Variants in CAST observed in about 807,000 individuals in gnomAD.
CAST encodes the protein calpastatin, also known as MIR583 host.
In CAST, 76 loss-of-function variants were observed where a neutral mutation model predicts 119.6. The observed-to-expected ratio is 0.64, with a 90% CI of 0.53 to 0.77. The LOEUF (loss-of-function observed/expected upper bound fraction) is 0.77. CAST is among the 30% of genes least tolerant of loss of function. CAST has a pLI of 0.00. For synonymous variants in CAST, 319 were observed against 331.6 expected, an observed-to-expected ratio of 0.96 and a Z score of 0.41; for missense variants, 953 against 946.5, an observed-to-expected ratio of 1.01 and a Z score of -0.09.
chr5:96,750,668 G>A lies in CAST; in HGVS notation c.1510G>A (p.Glu504Lys). 1 of 1,612,404 alleles carries A rather than the reference G, an allele frequency of 6.2e-7. No homozygotes were observed. Among genetic ancestry groups the A allele is most frequent in the South Asian group, 1.1e-5 (1 of 91,036 alleles). Residue 504 changes from glutamate (E) to lysine (K), a missense_variant, in exon 20 of 32, where the codon GAG becomes AAG. Physicochemically the swap from Glu to Lys is moderately conservative, Grantham distance 56 (BLOSUM62 1). Transcript: ENST00000675179. Reference sequence around the variant, plus strand: ...GTGTAGTATACAGTCAGCACCCCCTGAGCCGGCTACCTTGGTGAGTGACTC... The same window carrying A: ...GTGTAGTATACAGTCAGCACCCCCTAAGCCGGCTACCTTGGTGAGTGACTC... ...SMCSIQSAPPEPATLKGTVPD... is the reference protein window; with the variant it reads ...SMCSIQSAPPKPATLKGTVPD...
At chr5:96,045,133 A>T in the CAST span, among the ~76,000 whole-genome samples, 3 of 152,124 alleles carry the variant, frequency 2.0e-5, no homozygotes, top group Non-Finnish European at 4.4e-5. Context: ...CGGATGGATC[A>T]CCTGAGGTCA....
At chr5:96,446,864 T>A in the CAST span, among the ~76,000 whole-genome samples, 1 of 152,204 alleles carries the variant, frequency 6.6e-6, no homozygotes, top group South Asian at 2.1e-4. Context: ...AATATGAGCA[T>A]GCCACCTCAG....
the CAST span, chr5:96,397,452 A>G: frequency 6.2e-7 from 1 of 1,613,286 alleles, no homozygotes; most frequent in Admixed American, 1.7e-5. Context: ...CTTTCAGCCA[A>G]GAGCACAGTG....
At chr5:96,003,946 C>A in the CAST span, among the ~76,000 whole-genome samples, 6 of 152,242 alleles carry the variant, frequency 3.9e-5, no homozygotes, top group South Asian at 1.2e-3. Context: ...ATACAGTCAT[C>A]TTTTTTTCAT....
At chr5:96,592,516 T>C (rs1746980659) in intron 1 of CAST, among the ~76,000 whole-genome samples, 1 of 152,214 alleles carries the variant, frequency 6.6e-6, no homozygotes, top group African/African-American at 2.4e-5. Context: ...TTCTCACTTT[T>C]TTATTTTAAA....
chr5:96,564,673 C>T (rs539643610), intron 1 of CAST, among the ~76,000 whole-genome samples: 1 of 152,346 alleles, frequency 6.6e-6, no homozygotes, highest in Middle Eastern at 3.4e-3. Flanking sequence ...AATCCCAGCA[C>T]TTTGGGAGGC....
chr5:96,564,964 G>A (rs1179643397), intron 1 of CAST, among the ~76,000 whole-genome samples: 1 of 152,178 alleles, frequency 6.6e-6, no homozygotes, highest in Non-Finnish European at 1.5e-5. Flanking sequence ...GCAGAGTGGA[G>A]TCAGTAAAAA....
intron 1 of CAST, among the ~76,000 whole-genome samples, chr5:96,595,224 C>T (rs261217): frequency 0.42 from 64,178 of 152,024 alleles, 13,811 homozygotes; most frequent in Admixed American, 0.48. Flanking sequence ...GATACTAAAC[C>T]GGATGTTTAT....
At chr5:96,506,449 C>A in the CAST span, among the ~76,000 whole-genome samples, 5 of 152,178 alleles carry the variant, frequency 3.3e-5, no homozygotes. Flanking sequence ...TTGGAGGAAG[C>A]ACCAACCCCC....
intron 1 of CAST, among the ~76,000 whole-genome samples, chr5:96,618,268 T>A (rs896539382): frequency 6.6e-6 from 1 of 152,246 alleles, no homozygotes; most frequent in Non-Finnish European, 1.5e-5. Context: ...TTAAAGATAA[T>A]GTAACAGAGC....
chr5:96,248,375 C>T, the CAST span, among the ~76,000 whole-genome samples: 9 of 152,140 alleles, frequency 5.9e-5, no homozygotes, highest in East Asian at 5.8e-4. Flanking sequence ...GTGAGAGGGG[C>T]GGAATGCGCT....
At chr5:96,534,835 A>AGG in intron 1 of CAST, among the ~76,000 whole-genome samples, 1 of 143,454 alleles carries the variant, frequency 7.0e-6, no homozygotes, top group African/African-American at 2.6e-5. Context: ...GAAAGAAGGA[A>AGG]AGAAGGAAGG....
intron 1 of CAST, among the ~76,000 whole-genome samples, chr5:96,612,603 A>T (rs1341233527): frequency 2.0e-5 from 3 of 152,168 alleles, no homozygotes; most frequent in Non-Finnish European, 4.4e-5. Flanking sequence ...AAACAAAAAC[A>T]GAGAAATCTG....
At chr5:96,024,561 AT>A in the CAST span, among the ~76,000 whole-genome samples, 186 of 150,244 alleles carry the variant, frequency 1.2e-3, no homozygotes, top group African/African-American at 4.0e-3. Context: ...AATATCTGCA[AT>A]TTTTTTTTTC....
intron 1 of CAST, among the ~76,000 whole-genome samples, chr5:96,619,516 T>G (rs918816544): frequency 6.6e-6 from 1 of 152,258 alleles, no homozygotes; most frequent in South Asian, 2.1e-4. Flanking sequence ...AGCAACCTGC[T>G]GGGTCCTCTT....
Position 96,546,204 on chromosome 5 carries a change from AT to A in CAST, c.60+16334del, listed in dbSNP as rs538702119. ...ATGTGCAGACCCATCCATAAGTCAG[AT>A]TTTTTTTTTCTTCTTCAGATAGTTG... is the stretch of plus-strand genomic sequence containing the variant. On this transcript the variant is annotated intron_variant, in intron 1 of 11. Transcript: ENST00000505143. 949 of 150,224 alleles carry A rather than the reference AT, an allele frequency of 6.3e-3. 6 individuals carry two copies. Among genetic ancestry groups the A allele is most frequent in the African/African-American group, 0.016 (654 of 41,030 alleles). 9.3% of individuals were successfully genotyped at this position (150,224 alleles called of 1,614,324 possible).
the CAST span, among the ~76,000 whole-genome samples, chr5:95,980,709 CCCA>C: frequency 5.3e-5 from 8 of 152,082 alleles, no homozygotes; most frequent in Admixed American, 5.2e-4. Context: ...CCTCACGTCA[CCCA>C]CCGTTAAGTT....
intron 1 of CAST, among the ~76,000 whole-genome samples, chr5:96,591,994 T>A (rs1163690580): frequency 6.6e-6 from 1 of 152,114 alleles, no homozygotes; most frequent in Non-Finnish European, 1.5e-5. Context: ...AGCCCAAATA[T>A]CAAGAGAATA....
chr5:96,614,823 G>T (rs1029655889), intron 1 of CAST, among the ~76,000 whole-genome samples: 1 of 152,074 alleles, frequency 6.6e-6, no homozygotes, highest in Non-Finnish European at 1.5e-5. Context: ...CCCTAAGCTT[G>T]GTAAAATGAG....
Sources: gnomAD v4.1 joint callset for allele counts (sites outside exome capture counted in the v4.1 genomes callset) on GRCh38, gnomAD v4.1.1 for gene constraint, MANE v1.5 for transcripts, NCBI Gene and HGNC (gene_info 2026-07-23, HGNC 2026-07-21) for gene names.